C8orf74: variants seen among roughly 807,000 people sequenced by gnomAD.
C8orf74 encodes the protein uncharacterized protein C8orf74.
Under a neutral mutation model 22.2 loss-of-function variants are expected in C8orf74, and 29 were observed. That is an observed-to-expected ratio of 1.31 (90% CI 0.97 to 1.78). C8orf74 has a LOEUF of 1.78. Ranked by LOEUF, C8orf74 falls within the 40% of genes most tolerant of loss-of-function variation. C8orf74 has a pLI of 0.00. For synonymous variants in C8orf74, 255 were observed against 163.1 expected (o/e 1.56, Z -4.30); for missense variants, 515 against 369.9 (o/e 1.39, Z -3.22).
chr8:10,674,905 C>T (rs1671059020), intron 2 of C8orf74, 67 bp downstream of exon 2: 2 of 1,361,626 alleles, frequency 1.5e-6, no homozygotes, highest in South Asian at 2.9e-5. Context: ...ATAGAACTCC[C>T]CTGCCGTCCA....
At chr8:10,698,074 A>C in intron 3 of C8orf74, 69 bp downstream of exon 3, 1 of 1,392,618 alleles carries the variant, frequency 7.2e-7, no homozygotes, top group Non-Finnish European at 9.4e-7. Flanking sequence ...GGCTGGAGTC[A>C]CTGCAGATGG....
intron 2 of C8orf74, among the ~76,000 whole-genome samples, chr8:10,675,387 G>A (rs1288763799): frequency 3.3e-5 from 5 of 152,238 alleles, no homozygotes; most frequent in African/African-American, 1.2e-4. Context: ...CACCTCTTGG[G>A]CAATGAAGTG....
intron 2 of C8orf74, chr8:10,692,369 C>A (rs902996529): frequency 6.6e-6 from 1 of 152,562 alleles, no homozygotes; most frequent in Non-Finnish European, 1.5e-5. Flanking sequence ...CTCCGCTCAC[C>A]CCCTACCTGC....
chr8:10,700,357 G>A lies in C8orf74; in HGVS notation c.771G>A (p.Leu257=). Residue 257 remains leucine (L), a synonymous_variant, in exon 4 of 4, where the codon CTG becomes CTA. Coordinates refer to ENST00000304519, the MANE Select transcript of C8orf74 (RefSeq NM_001040032.2). The part of the protein sequence containing the change: ...ILDLKLQKKT[L]NLNAPTPIPP... Reference sequence around the variant, plus strand: ...ACCTGAAGCTTCAGAAGAAGACTCTGAACCTCAACGCCCCCACCCCTATCC... The same window carrying A: ...ACCTGAAGCTTCAGAAGAAGACTCTAAACCTCAACGCCCCCACCCCTATCC... 1 of 1,613,586 alleles carries A rather than the reference G, an allele frequency of 6.2e-7. No individual in the cohort carries two copies. The highest frequency in any genetic ancestry group is 8.5e-7 in the Non-Finnish European group (1 of 1,179,644).
chr8:10,674,013 G>A (rs1436577410), intron 1 of C8orf74, among the ~76,000 whole-genome samples: 7 of 60,752 alleles, frequency 1.2e-4, no homozygotes, highest in Admixed American at 1.0e-3. Flanking sequence ...ATCATACCCC[G>A]CAACCCCCAT....
intron 1 of C8orf74, among the ~76,000 whole-genome samples, chr8:10,674,169 ATATCACAGCCTGCAGCCCC>A (rs1247047045): frequency 1.1e-4 from 13 of 118,058 alleles, no homozygotes; most frequent in Admixed American, 1.9e-4. Flanking sequence ...TGCAGCCCCC[ATATCACAGCCTGCAGCCCC>A]CATATCACAC....
At chr8:10,676,575 T>C (rs1353699259) in intron 2 of C8orf74, among the ~76,000 whole-genome samples, 1 of 152,222 alleles carries the variant, frequency 6.6e-6, no homozygotes, top group Non-Finnish European at 1.5e-5. Flanking sequence ...CTTTAATCTC[T>C]TCGGCTGCCA....
intron 2 of C8orf74, among the ~76,000 whole-genome samples, chr8:10,694,490 G>A (rs1317252681): frequency 4.6e-5 from 7 of 152,168 alleles, no homozygotes; most frequent in Admixed American, 4.6e-4. Context: ...GGGGAAAGAA[G>A]GAGGGTATGG....
intron 2 of C8orf74, chr8:10,689,504 T>G (rs1238908423): frequency 1.3e-5 from 2 of 152,212 alleles, no homozygotes; most frequent in Non-Finnish European, 2.9e-5. Flanking sequence ...CAACATCTCT[T>G]AAAGGGTCTC....
chr8:10,697,393 G>C (rs556779964), intron 2 of C8orf74, among the ~76,000 whole-genome samples: 1 of 151,922 alleles, frequency 6.6e-6, no homozygotes, highest in African/African-American at 2.4e-5. Flanking sequence ...TGCAGCTGCA[G>C]TGAGCTACGA....
chr8:10,689,466 T>C (rs1022684987), intron 2 of C8orf74: 2 of 152,222 alleles, frequency 1.3e-5, no homozygotes, highest in African/African-American at 4.8e-5. Flanking sequence ...CATTAGCATA[T>C]TAAAGCTCTA....
chr8:10,698,110 G>C lies in C8orf74; in HGVS notation c.648+105G>C, dbSNP rs1434945338. On this transcript the variant is annotated intron_variant, in intron 3 of 3. Transcript: ENST00000304519. ...GAGCTCCTCAGTGGCACACAGGGGA[G>C]GGGGAGAGATGCAGGGAGGAATCAA... is the stretch of plus-strand genomic sequence containing the variant. 4 of 1,166,218 alleles carry C rather than the reference G, an allele frequency of 3.4e-6. No individual in the cohort carries two copies. The African/African-American group carries it at 4.7e-5, about 14-fold the overall frequency. 72.2% of individuals were successfully genotyped at this position (1,166,218 alleles called of 1,614,324 possible). A position where few individuals can be genotyped will look rare whatever the true frequency, so the allele number is the denominator to read the frequency against.
At chr8:10,677,848 T>C (rs1053291192) in intron 2 of C8orf74, among the ~76,000 whole-genome samples, 1 of 152,228 alleles carries the variant, frequency 6.6e-6, no homozygotes, top group Non-Finnish European at 1.5e-5. Context: ...GGCATCAGGC[T>C]GGCAGTCCAC....
chr8:10,682,121 G>T (rs533249571), intron 2 of C8orf74, among the ~76,000 whole-genome samples: 1 of 152,142 alleles, frequency 6.6e-6, no homozygotes, highest in Non-Finnish European at 1.5e-5. Context: ...CAGAGAGAAG[G>T]TGCCAGCCTC....
Position 10,676,506 on chromosome 8 carries a change from G to A in C8orf74, c.241+1668G>A, listed in dbSNP as rs139506511. Among the ~76,000 whole-genome samples, 150 of 152,280 alleles carry A rather than the reference G, an allele frequency of 9.9e-4. 3 individuals carry two copies. The highest frequency in any genetic ancestry group is 3.4e-3 in the African/African-American group (142 of 41,548). ...TTTCAGACACACAGAATGTCCCACG[G>A]CACCTCTGTTTGAAGGCATCCAGTG... On this transcript the variant is annotated intron_variant, in intron 2 of 3. Transcript: ENST00000304519.
chr8:10,698,005 G>T lies in C8orf74; in HGVS notation c.648G>T (p.Gln216His). The T allele has an allele frequency of 6.8e-7, 1 of 1,471,616 alleles. No individual in the cohort carries two copies. Among genetic ancestry groups the T allele is most frequent in the East Asian group, 2.4e-5 (1 of 40,980 alleles). 91.2% of individuals were successfully genotyped at this position (1,471,616 alleles called of 1,614,324 possible). Reference sequence around the variant, plus strand: ...AGCCCGGCCAGGTCCTGGAGAGACAGGTGAGGCTCTGCCCCCCTGCCGTGG... The same window carrying T: ...AGCCCGGCCAGGTCCTGGAGAGACATGTGAGGCTCTGCCCCCCTGCCGTGG... ...PAQPGQVLERQELESLICQAV... is the reference protein window; with the variant it reads ...PAQPGQVLERHELESLICQAV... The change falls in exon 3 of 4, where the codon CAG (glutamine) becomes CAT (histidine). Residue 216 changes from glutamine (Q) to histidine (H), a missense_variant and splice_region_variant. Coordinates refer to ENST00000304519, the MANE Select transcript of C8orf74 (RefSeq NM_001040032.2).
In C8orf74 at chr8:10,697,682, G is replaced by T. The variant is rs1257528444; in HGVS notation, c.325G>T (p.Ala109Ser). The change falls in exon 3 of 4, where the codon GCC becomes TCC. Residue 109 changes from alanine to serine, a missense_variant. Physicochemically the swap from Ala to Ser is moderately conservative, Grantham distance 99 (BLOSUM62 1). Coordinates refer to ENST00000304519, the MANE Select transcript of C8orf74 (RefSeq NM_001040032.2). ...RGHFNTTHLL[A>S]LCDYFHHTFI... ...CCATTTCAACACCACCCACCTGCTG[G>T]CCCTCTGTGACTACTTCCACCACAC... 6.2e-7 allele frequency: 1 copy of T among 1,613,942 alleles called. No homozygotes were observed. The highest frequency in any genetic ancestry group is 1.7e-5 in the Admixed American group (1 of 60,028).
chr8:10,697,289 G>C (rs1403318317), intron 2 of C8orf74, among the ~76,000 whole-genome samples: 1 of 151,978 alleles, frequency 6.6e-6, no homozygotes, highest in Non-Finnish European at 1.5e-5. Flanking sequence ...AACAAAATTA[G>C]TCAGGTTTGG....
chr8:10,692,187 G>A (rs1490664313), intron 2 of C8orf74: 1 of 152,540 alleles, frequency 6.6e-6, no homozygotes, highest in Non-Finnish European at 1.5e-5. Flanking sequence ...GGGACACAGG[G>A]CGTGTGGGGC....
Sources: allele counts gnomAD v4.1 joint callset (sites outside exome capture counted in the v4.1 genomes callset), GRCh38; gene constraint gnomAD v4.1.1; transcripts MANE v1.5; gene names NCBI Gene and HGNC (gene_info 2026-07-23, HGNC 2026-07-21).